CCDC170: variants seen among roughly 807,000 people sequenced by gnomAD.
The protein encoded by CCDC170 is coiled-coil domain-containing protein 170.
Under a neutral mutation model 72.6 loss-of-function variants are expected in CCDC170, and 69 were observed. The observed-to-expected ratio is 0.95, with a 90% CI of 0.78 to 1.16. The LOEUF (loss-of-function observed/expected upper bound fraction) is 1.16. CCDC170 is among the 50% of genes most tolerant of loss of function. CCDC170 has a pLI of 0.00. For synonymous variants in CCDC170, 300 were observed against 303.9 expected, an observed-to-expected ratio of 0.99 and a Z score of 0.13; for missense variants, 852 against 832.5, an observed-to-expected ratio of 1.02 and a Z score of -0.29.
chr6:151,533,276 G>T (rs576526330), intron 1 of CCDC170, among the ~76,000 whole-genome samples: 23 of 151,614 alleles, frequency 1.5e-4, no homozygotes, highest in Admixed American at 1.0e-3. Context: ...GGATGGTCTC[G>T]ATCTCCTGAC....
chr6:151,552,846 G>T (rs1301467874), intron 5 of CCDC170, among the ~76,000 whole-genome samples: 1 of 133,514 alleles, frequency 7.5e-6, no homozygotes, highest in Non-Finnish European at 1.5e-5. Context: ...GAGTCCAGTG[G>T]CATGATCTCA....
At chr6:151,593,066 T>C in intron 7 of CCDC170, 41 bp from the exon 8 acceptor site, 2 of 1,601,870 alleles carry the variant, frequency 1.2e-6, no homozygotes, top group Non-Finnish European at 1.7e-6. Context: ...TCATTAACTT[T>C]GACTTTCATG....
intron 5 of CCDC170, among the ~76,000 whole-genome samples, chr6:151,567,840 G>A (rs957389691): frequency 1.3e-5 from 2 of 152,010 alleles, no homozygotes; most frequent in Non-Finnish European, 2.9e-5. Context: ...TGGGCGCGGT[G>A]GCTCACACCT....
At chr6:151,521,941 G>A (rs937588738) in intron 1 of CCDC170, among the ~76,000 whole-genome samples, 6 of 144,842 alleles carry the variant, frequency 4.1e-5, no homozygotes, top group African/African-American at 1.0e-4. Context: ...AGTGGAGATC[G>A]AGCCACTGCA....
intron 5 of CCDC170, among the ~76,000 whole-genome samples, chr6:151,558,489 G>C (rs545702640): frequency 9.9e-5 from 15 of 152,042 alleles, no homozygotes; most frequent in Non-Finnish European, 1.9e-4. Flanking sequence ...ATGTCTTGAA[G>C]TGTTTCTTCT....
chr6:151,516,661 A>C (rs931211651), intron 1 of CCDC170, among the ~76,000 whole-genome samples: 1 of 152,122 alleles, frequency 6.6e-6, no homozygotes, highest in African/African-American at 2.4e-5. Flanking sequence ...TCTCCCTTGA[A>C]AGAGAGAGGA....
chr6:151,596,642 A>G, intron 9 of CCDC170, 65 bp downstream of exon 9: 1 of 1,583,198 alleles, frequency 6.3e-7, no homozygotes, highest in South Asian at 1.2e-5. Context: ...TATGCAAAAG[A>G]ATGACAGCTT....
At chr6:151,580,362 T>A (rs887419678) in intron 6 of CCDC170, among the ~76,000 whole-genome samples, 1 of 152,156 alleles carries the variant, frequency 6.6e-6, no homozygotes, top group African/African-American at 2.4e-5. Flanking sequence ...CTCCTAATAA[T>A]GCAAATCAGT....
intron 1 of CCDC170, among the ~76,000 whole-genome samples, chr6:151,517,221 A>T (rs531819414): frequency 1.3e-5 from 2 of 152,072 alleles, no homozygotes; most frequent in East Asian, 3.9e-4. Context: ...AATCCCATCT[A>T]CTCGGGAGGC....
intron 1 of CCDC170, among the ~76,000 whole-genome samples, chr6:151,527,905 G>T (rs17688135): frequency 6.6e-6 from 1 of 151,924 alleles, no homozygotes; most frequent in African/African-American, 2.4e-5. Flanking sequence ...TTATTTTTTC[G>T]TCCGTGGGAT....
rs368620920 is a variant in CCDC170 at position 151,615,470 on chromosome 6, A to G, written c.1738A>G (p.Ile580Val). 1.6e-4 allele frequency: 265 copies of G among 1,613,880 alleles called. No homozygotes were observed. Among genetic ancestry groups the G allele is most frequent in the Non-Finnish European group, 2.1e-4 (244 of 1,179,874 alleles). ...TAAAACTTTGGAACAGACTAAAGCCATTGAAGATCTAAACAAATCCAGAGA... is the reference window on the plus strand; with the variant it reads ...TAAAACTTTGGAACAGACTAAAGCCGTTGAAGATCTAAACAAATCCAGAGA... ...KIKTLEQTKA[I>V]EDLNKSRDQL... The change falls in exon 10 of 11, where the codon ATT (isoleucine) becomes GTT (valine). Residue 580 changes from isoleucine to valine, a missense_variant. By Grantham distance (29) the Ile-to-Val change is conservative (BLOSUM62 3). Transcript: ENST00000239374.
intron 7 of CCDC170, among the ~76,000 whole-genome samples, chr6:151,591,491 C>T (rs1288238450): frequency 2.6e-5 from 4 of 151,576 alleles, no homozygotes; most frequent in Non-Finnish European, 5.9e-5. Flanking sequence ...AACTTGGATG[C>T]ATTAAACAAT....
intron 1 of CCDC170, among the ~76,000 whole-genome samples, chr6:151,499,248 G>A (rs1781955168): frequency 7.6e-6 from 1 of 131,362 alleles, no homozygotes; most frequent in South Asian, 2.4e-4. Flanking sequence ...TGCTGTATAA[G>A]TGGAATCAGA....
At chr6:151,505,512 T>A (rs543367732) in intron 1 of CCDC170, among the ~76,000 whole-genome samples, 7 of 151,876 alleles carry the variant, frequency 4.6e-5, no homozygotes, top group Non-Finnish European at 8.8e-5. Flanking sequence ...TGAAACCCTG[T>A]CTGTACTAAA....
At position 151,607,762 on chromosome 6, in the gene CCDC170, G is replaced by T. The variant is rs536305055; in HGVS notation, c.1711-7681G>T. 4.5e-4 allele frequency among the ~76,000 whole-genome samples: 69 copies of T among 152,142 alleles called. 1 individual carries two copies. Among genetic ancestry groups the T allele is most frequent in the African/African-American group, 1.5e-3 (64 of 41,508 alleles). ...TTATGCTTTTCTTTTGCTGTTTTTA[G>T]AATTCTCTTTTTGTCTTTGACTTTT... On this transcript the variant is annotated intron_variant, in intron 9 of 10. Coordinates refer to ENST00000239374, the MANE Select transcript of CCDC170 (RefSeq NM_025059.4).
intron 4 of CCDC170, among the ~76,000 whole-genome samples, chr6:151,546,015 C>T (rs540597320): frequency 1.4e-4 from 22 of 152,120 alleles, no homozygotes; most frequent in African/African-American, 3.6e-4. Flanking sequence ...TGGGCTCAAG[C>T]GGTTCTCCCA....
intron 5 of CCDC170, among the ~76,000 whole-genome samples, chr6:151,570,416 G>C (rs1021619713): frequency 2.6e-5 from 4 of 151,606 alleles, no homozygotes; most frequent in African/African-American, 9.7e-5. Context: ...AAAAAAATAT[G>C]GAAAAAAGCC....
chr6:151,557,967 A>G (rs534937719), intron 5 of CCDC170, among the ~76,000 whole-genome samples: 130 of 152,184 alleles, frequency 8.5e-4, no homozygotes, highest in Admixed American at 3.3e-3. Flanking sequence ...GGACGTGGTG[A>G]TACACACTTG....
chr6:151,538,020 T>TC, intron 2 of CCDC170, 25 bp from the exon 3 acceptor site: 1 of 1,570,202 alleles, frequency 6.4e-7, no homozygotes, highest in Non-Finnish European at 8.6e-7. Context: ...GGTTTTTTTT[T>TC]TTTTTAACTT....
Sources: allele counts gnomAD v4.1 joint callset (sites outside exome capture counted in the v4.1 genomes callset), GRCh38; gene constraint gnomAD v4.1.1; transcripts MANE v1.5; gene names NCBI Gene and HGNC (gene_info 2026-07-23, HGNC 2026-07-21).